IMMP2L: variants seen among roughly 807,000 people sequenced by gnomAD.
The protein encoded by IMMP2L is inner mitochondrial membrane peptidase subunit 2, also known as mitochondrial inner membrane protease subunit 2.
Under a neutral mutation model 19.3 loss-of-function variants are expected in IMMP2L, and 18 were observed. That is an observed-to-expected ratio of 0.93 (90% CI 0.64 to 1.38). IMMP2L has a LOEUF of 1.38. Among genes scored for constraint, IMMP2L ranks in the 40% most tolerant of loss-of-function variants. The pLI, the probability that IMMP2L is intolerant of heterozygous loss-of-function variation, is 0.00. For missense variants in IMMP2L, 233 were observed against 218.2 expected (o/e 1.07, Z -0.43); for synonymous variants, 76 against 73.0 (o/e 1.04, Z -0.21).
chr7:111,508,688 C>A (rs1001302288), intron 2 of IMMP2L, among the ~76,000 whole-genome samples: 3 of 152,036 alleles, frequency 2.0e-5, no homozygotes, highest in African/African-American at 7.2e-5. Context: ...AATGTTAAAG[C>A]AAAGACACCA....
At chr7:111,113,687 G>A (rs1799508349) in intron 3 of IMMP2L, among the ~76,000 whole-genome samples, 1 of 151,764 alleles carries the variant, frequency 6.6e-6, no homozygotes, top group Non-Finnish European at 1.5e-5. Flanking sequence ...CTGAAATGCA[G>A]GATAATTGAA....
chr7:111,299,975 A>G (rs1822048230), intron 3 of IMMP2L, among the ~76,000 whole-genome samples: 1 of 152,236 alleles, frequency 6.6e-6, no homozygotes, highest in African/African-American at 2.4e-5. Flanking sequence ...TAAAAGCTGG[A>G]TAGACCCTAG....
chr7:110,794,435 C>A (rs1025260887), intron 5 of IMMP2L, among the ~76,000 whole-genome samples: 1 of 152,060 alleles, frequency 6.6e-6, no homozygotes, highest in South Asian at 2.1e-4. Context: ...ATATGACATT[C>A]TGGATATACA....
chr7:110,873,075 C>A (rs1004654086), intron 5 of IMMP2L, among the ~76,000 whole-genome samples: 2 of 152,160 alleles, frequency 1.3e-5, no homozygotes, highest in Admixed American at 1.3e-4. Context: ...TAGGTGATTT[C>A]TTCCATTTTA....
intron 3 of IMMP2L, among the ~76,000 whole-genome samples, chr7:111,068,197 T>G (rs2129575088): frequency 6.6e-6 from 1 of 152,128 alleles, no homozygotes; most frequent in East Asian, 1.9e-4. Context: ...GAATACAGAC[T>G]AAGAGAAGGA....
chr7:110,880,783 T>C lies in IMMP2L; in HGVS notation c.408+5810A>G, dbSNP rs116916738. 3.9e-3 allele frequency among the ~76,000 whole-genome samples: 596 copies of C among 152,236 alleles called. 1 individual carries two copies. Among genetic ancestry groups the C allele is most frequent in the Non-Finnish European group, 5.9e-3 (404 of 67,986 alleles). On this transcript the variant is annotated intron_variant, in intron 5 of 5. Coordinates refer to ENST00000405709, the MANE Select transcript of IMMP2L (RefSeq NM_032549.4). The stretch of plus-strand genomic sequence containing the variant: ...GCTCCTGACCTATTATCAGTAAATA[T>C]ATATTTCTAATAAAATGAATGTGTT...
At chr7:111,205,679 C>T (rs1262712556) in intron 3 of IMMP2L, among the ~76,000 whole-genome samples, 2 of 151,894 alleles carry the variant, frequency 1.3e-5, no homozygotes, top group Non-Finnish European at 2.9e-5. Flanking sequence ...GAGATTTACA[C>T]ACTTAAAAAA....
intron 4 of IMMP2L, among the ~76,000 whole-genome samples, chr7:110,889,049 C>T (rs1320754931): frequency 6.6e-6 from 1 of 152,184 alleles, no homozygotes; most frequent in Non-Finnish European, 1.5e-5. Context: ...CGATTACTCA[C>T]AAGTAATCTT....
At chr7:110,959,758 G>T (rs943390382) in intron 4 of IMMP2L, among the ~76,000 whole-genome samples, 16 of 151,908 alleles carry the variant, frequency 1.1e-4, no homozygotes, top group African/African-American at 3.6e-4. Flanking sequence ...TGACCCTGGT[G>T]TCAATTCGCA....
chr7:111,232,674 T>A lies in IMMP2L; in HGVS notation c.239+254564A>T, dbSNP rs555220328. On this transcript the variant is annotated intron_variant, in intron 3 of 5. Transcript: ENST00000405709. ...TTCACACTCTGAGTCATCACTTCCT[T>A]CTCCATTCCATCGCATAGGATGTTT... 4.5e-4 allele frequency among the ~76,000 whole-genome samples: 68 copies of A among 152,196 alleles called. 1 individual carries two copies. In the South Asian group the frequency reaches 0.013, roughly 30 times the overall value.
chr7:111,539,246 GAAA>G lies in IMMP2L; in HGVS notation c.-2-17800_-2-17798del, dbSNP rs1563331327. Among the ~76,000 whole-genome samples, 124 of 145,298 alleles carry G rather than the reference GAAA, an allele frequency of 8.5e-4. 2 individuals carry two copies. Among genetic ancestry groups the G allele is most frequent in the Middle Eastern group, 3.6e-3 (1 of 276 alleles). Reference sequence around the variant, plus strand: ...AGAAAGAAAGAAAGAAAGAAAGAAAGAAAGAAAGAAAGAAAGAAAGAAAGAGAA... The same window carrying G: ...AGAAAGAAAGAAAGAAAGAAAGAAAGGAAAGAAAGAAAGAAAGAAAGAGAA... On this transcript the variant is annotated intron_variant, in intron 1 of 5. Coordinates refer to ENST00000405709, the MANE Select transcript of IMMP2L (RefSeq NM_032549.4).
intron 3 of IMMP2L, among the ~76,000 whole-genome samples, chr7:111,202,643 A>C (rs1810270198): frequency 6.6e-6 from 1 of 152,210 alleles, no homozygotes; most frequent in African/African-American, 2.4e-5. Flanking sequence ...ACAGTGCTAA[A>C]ATATAACATC....
chr7:111,254,722 A>C (rs7810543), intron 3 of IMMP2L, among the ~76,000 whole-genome samples: 1 of 151,970 alleles, frequency 6.6e-6, no homozygotes, highest in African/African-American at 2.4e-5. Context: ...TCTGCACAAC[A>C]TAAGTCCCAG....
chr7:111,175,518 A>T (rs1312729925), intron 3 of IMMP2L, among the ~76,000 whole-genome samples: 1 of 151,896 alleles, frequency 6.6e-6, no homozygotes, highest in Admixed American at 6.6e-5. Flanking sequence ...TCACAAGATC[A>T]GAAATTATTT....
intron 5 of IMMP2L, among the ~76,000 whole-genome samples, chr7:110,721,810 G>A (rs957366762): frequency 2.6e-5 from 4 of 152,100 alleles, no homozygotes; most frequent in Admixed American, 2.6e-4. Context: ...TATGTAGGGG[G>A]ACTGGATAAA....
At chr7:111,194,113 C>T (rs1459282688) in intron 3 of IMMP2L, among the ~76,000 whole-genome samples, 1 of 152,166 alleles carries the variant, frequency 6.6e-6, no homozygotes, top group East Asian at 1.9e-4. Flanking sequence ...CTTTACTCAA[C>T]TTCTGCCTTG....
intron 3 of IMMP2L, among the ~76,000 whole-genome samples, chr7:111,293,213 G>A (rs1339268119): frequency 6.6e-6 from 1 of 151,928 alleles, no homozygotes; most frequent in Non-Finnish European, 1.5e-5. Context: ...AGACTGATCA[G>A]GTATAAATTT....
At chr7:110,939,453 A>G (rs1418714193) in intron 4 of IMMP2L, among the ~76,000 whole-genome samples, 2 of 152,180 alleles carry the variant, frequency 1.3e-5, no homozygotes, top group African/African-American at 4.8e-5. Flanking sequence ...AATAAAAAAA[A>G]AAGTAATAAG....
chr7:111,346,523 G>C (rs1213568161), intron 3 of IMMP2L, among the ~76,000 whole-genome samples: 1 of 152,092 alleles, frequency 6.6e-6, no homozygotes, highest in Non-Finnish European at 1.5e-5. Context: ...CCAGGAAAAA[G>C]TGTGAACTTA....
Sources: gnomAD v4.1 joint callset for allele counts (sites outside exome capture counted in the v4.1 genomes callset) on GRCh38, gnomAD v4.1.1 for gene constraint, MANE v1.5 for transcripts, NCBI Gene and HGNC (gene_info 2026-07-23, HGNC 2026-07-21) for gene names.